Variants in RBFOX1 observed in about 807,000 individuals in gnomAD.
RBFOX1 encodes RNA binding protein fox-1 homolog 1.
RBFOX1 carries 8 observed loss-of-function variants against 57.7 expected under a neutral mutation model. That is an observed-to-expected ratio of 0.14 (90% CI 0.08 to 0.25). The LOEUF is 0.25. Among genes scored for constraint, RBFOX1 ranks in the 10% least tolerant of loss-of-function variants. The probability of loss-of-function intolerance (pLI) is 1.00; values close to 1 mark genes in which losing one functional copy is unlikely to be tolerated. For missense variants in RBFOX1, 611 were observed against 548.5 expected (o/e 1.11, Z -1.14); for synonymous variants, 326 against 222.4 (o/e 1.47, Z -4.15).
intron 4 of RBFOX1, among the ~76,000 whole-genome samples, chr16:7,101,307 C>T (rs1472575926): frequency 6.6e-6 from 1 of 152,116 alleles, no homozygotes; most frequent in Non-Finnish European, 1.5e-5. Context: ...CATGACACAC[C>T]ATTGCGCTTG....
Position 6,013,757 on chromosome 16 carries a change from G to T in RBFOX1, c.351+146422G>T, listed in dbSNP as rs531567675. 6.1e-4 allele frequency among the ~76,000 whole-genome samples: 93 copies of T among 152,024 alleles called. 1 individual carries two copies. Among genetic ancestry groups the T allele is most frequent in the Non-Finnish European group, 1.8e-4 (12 of 68,024 alleles). ...ATGTGTGCCACATTTTCTTAATCCA[G>T]TCTATCATTGTTGGACATTTGGGTT... is the stretch of plus-strand genomic sequence containing the variant. On this transcript the variant is annotated intron_variant, in intron 4 of 19. Transcript: ENST00000641259.
chr16:6,388,438 G>A lies in RBFOX1; in HGVS notation c.-64+71381G>A, dbSNP rs78107905. ...CAAGGTTCAATGGCACCATTTAATGGTGATTTAAAACATGTGTTTGTTTTT... is the reference window on the plus strand; with the variant it reads ...CAAGGTTCAATGGCACCATTTAATGATGATTTAAAACATGTGTTTGTTTTT... On this transcript the variant is annotated intron_variant, in intron 2 of 15. Coordinates refer to ENST00000550418, the MANE Select transcript of RBFOX1 (RefSeq NM_018723.4). Among the ~76,000 whole-genome samples, 69 of 152,082 alleles carry A rather than the reference G, an allele frequency of 4.5e-4. 1 individual carries two copies. In the East Asian group the frequency reaches 0.013, roughly 28 times the overall value.
intron 1 of RBFOX1, among the ~76,000 whole-genome samples, chr16:5,444,729 A>C (rs886904386): frequency 6.6e-6 from 1 of 152,200 alleles, no homozygotes; most frequent in Non-Finnish European, 1.5e-5. Flanking sequence ...AACAGTCACC[A>C]TGCACAGAGC....
intron 3 of RBFOX1, among the ~76,000 whole-genome samples, chr16:5,734,938 A>C (rs1187808539): frequency 6.6e-6 from 1 of 152,186 alleles, no homozygotes; most frequent in Non-Finnish European, 1.5e-5. Context: ...GGTTTGGCAT[A>C]TAGTAGATGT....
At chr16:5,315,457 G>A (rs2064211025) in intron 1 of RBFOX1, among the ~76,000 whole-genome samples, 1 of 152,160 alleles carries the variant, frequency 6.6e-6, no homozygotes, top group African/African-American at 2.4e-5. Context: ...CCTGAGTCTG[G>A]AGTTTCTTGG....
chr16:7,649,268 A>G (rs1212949360), intron 11 of RBFOX1, among the ~76,000 whole-genome samples: 2 of 152,216 alleles, frequency 1.3e-5, no homozygotes, highest in African/African-American at 4.8e-5. Context: ...GGTTTGTGAT[A>G]AAGGATTAAT....
At chr16:6,974,774 C>T (rs983025552) in intron 3 of RBFOX1, among the ~76,000 whole-genome samples, 13 of 152,226 alleles carry the variant, frequency 8.5e-5, no homozygotes, top group Non-Finnish European at 1.5e-4. Context: ...CAGAAAACCC[C>T]CTGTGTTTGC....
intron 3 of RBFOX1, among the ~76,000 whole-genome samples, chr16:6,664,370 C>T (rs948581229): frequency 6.6e-6 from 1 of 152,314 alleles, no homozygotes; most frequent in East Asian, 1.9e-4. Flanking sequence ...TTGTTTAGGG[C>T]AACACCTCAC....
At chr16:6,370,160 C>T (rs899031437) in intron 2 of RBFOX1, among the ~76,000 whole-genome samples, 2 of 151,762 alleles carry the variant, frequency 1.3e-5, no homozygotes, top group African/African-American at 4.8e-5. Context: ...AGATCGAGAC[C>T]GTCCTGGCTA....
chr16:6,052,801 A>T (rs866590430), intron 1 of RBFOX1, among the ~76,000 whole-genome samples: 21 of 85,938 alleles, frequency 2.4e-4, no homozygotes, highest in African/African-American at 5.0e-4. Context: ...AAATAAAATA[A>T]AATATAATAA....
intron 4 of RBFOX1, among the ~76,000 whole-genome samples, chr16:7,109,473 G>A (rs1367492076): frequency 2.0e-5 from 3 of 152,146 alleles, no homozygotes; most frequent in Admixed American, 6.6e-5. Flanking sequence ...TGTATGGAAG[G>A]AAGGTGGTGC....
Position 6,861,934 on chromosome 16 carries a change from C to A in RBFOX1, c.-15-190123C>A, listed in dbSNP as rs116561835. Among the ~76,000 whole-genome samples, 1,028 of 143,192 alleles carry A rather than the reference C, an allele frequency of 7.2e-3. 10 individuals carry two copies. The highest frequency in any genetic ancestry group is 0.025 in the African/African-American group (968 of 38,464). The allele number at this position is 143,192 out of a possible 152,430, so 93.9% of individuals were successfully genotyped here. ...GCTCTCTCTGGCACTGGCAGGGGGT[C>A]TGCAAACAGAACTGGTTTGGAATAT... On this transcript the variant is annotated intron_variant, in intron 3 of 15. Coordinates refer to ENST00000550418, the MANE Select transcript of RBFOX1 (RefSeq NM_018723.4).
At chr16:6,953,997 G>A (rs557199506) in intron 3 of RBFOX1, among the ~76,000 whole-genome samples, 4 of 152,192 alleles carry the variant, frequency 2.6e-5, no homozygotes, top group Admixed American at 6.5e-5. Context: ...TAGGTCTTAC[G>A]CACATGTCAA....
At chr16:7,260,100 G>A (rs1207111786) in intron 4 of RBFOX1, among the ~76,000 whole-genome samples, 2 of 152,106 alleles carry the variant, frequency 1.3e-5, no homozygotes, top group East Asian at 3.9e-4. Flanking sequence ...ACCATATATT[G>A]TGTATATGGA....
intron 4 of RBFOX1, among the ~76,000 whole-genome samples, chr16:5,932,977 A>G (rs116130458): frequency 0.021 from 3,218 of 152,298 alleles, 98 homozygotes; most frequent in African/African-American, 0.074. Context: ...AAGCGACACA[A>G]TATTTTAACA....
At chr16:6,076,745 T>G (rs1166569985) in intron 1 of RBFOX1, among the ~76,000 whole-genome samples, 1 of 152,204 alleles carries the variant, frequency 6.6e-6, no homozygotes, top group African/African-American at 2.4e-5. Context: ...ACAAGCTCGC[T>G]GTCAAACTTG....
intron 2 of RBFOX1, among the ~76,000 whole-genome samples, chr16:5,506,336 C>T (rs922740300): frequency 2.0e-5 from 3 of 152,222 alleles, no homozygotes; most frequent in African/African-American, 7.2e-5. Context: ...GATAGCTCCT[C>T]ACAGGTCGTC....
At chr16:6,209,171 C>A (rs988664336) in intron 1 of RBFOX1, among the ~76,000 whole-genome samples, 16 of 152,298 alleles carry the variant, frequency 1.1e-4, no homozygotes, top group African/African-American at 3.1e-4. Flanking sequence ...AGCCCTTACT[C>A]CTCAAGTAGG....
At chr16:5,994,811 C>G (rs2060464308) in intron 4 of RBFOX1, among the ~76,000 whole-genome samples, 2 of 152,226 alleles carry the variant, frequency 1.3e-5, no homozygotes, top group Admixed American at 6.5e-5. Context: ...TTCTTCTCCA[C>G]TATATTTCAG....
Sources: allele counts gnomAD v4.1 joint callset (sites outside exome capture counted in the v4.1 genomes callset), GRCh38; gene constraint gnomAD v4.1.1; transcripts MANE v1.5; gene names NCBI Gene and HGNC (gene_info 2026-07-23, HGNC 2026-07-21).